The following MAD1L1 variants were observed in gnomAD, a reference collection of about 807,000 sequenced individuals.
MAD1L1 encodes mitotic arrest deficient 1 like 1.
A neutral mutation model predicts 96.9 loss-of-function variants in MAD1L1; 95 were observed. The ratio of observed to expected loss-of-function variants is 0.98; its 90% CI spans 0.83 to 1.16. The LOEUF (loss-of-function observed/expected upper bound fraction) is 1.16, where lower values mean the gene tolerates loss of function less well. Among genes scored for constraint, MAD1L1 ranks in the 50% most tolerant of loss-of-function variants. MAD1L1 has a pLI of 0.00. For synonymous variants in MAD1L1, 473 were observed against 396.6 expected, an observed-to-expected ratio of 1.19 and a Z score of -2.29; for missense variants, 1,007 against 954.4, an observed-to-expected ratio of 1.06 and a Z score of -0.73.
At chr7:2,121,542 C>T (rs886096438) in intron 11 of MAD1L1, among the ~76,000 whole-genome samples, 2 of 152,236 alleles carry the variant, frequency 1.3e-5, no homozygotes, top group Non-Finnish European at 2.9e-5. Flanking sequence ...TCATTAGAAA[C>T]CACAGACCTC....
At chr7:2,056,026 C>T (rs1042840005) in intron 12 of MAD1L1, among the ~76,000 whole-genome samples, 1 of 152,232 alleles carries the variant, frequency 6.6e-6, no homozygotes, top group Admixed American at 6.5e-5. Flanking sequence ...AGCATCAAGG[C>T]TGGCCGCATG....
intron 11 of MAD1L1, among the ~76,000 whole-genome samples, chr7:2,081,175 A>T (rs958023451): frequency 4.0e-5 from 6 of 151,002 alleles, no homozygotes; most frequent in African/African-American, 1.5e-4. Context: ...TTGGAAACAG[A>T]TATGGACAGA....
chr7:2,148,043 G>A (rs1260986987), intron 11 of MAD1L1, among the ~76,000 whole-genome samples: 2 of 152,198 alleles, frequency 1.3e-5, no homozygotes, highest in Non-Finnish European at 2.9e-5. Flanking sequence ...TTTAATGCCT[G>A]TTTCATCTGA....
intron 11 of MAD1L1, among the ~76,000 whole-genome samples, chr7:2,106,619 C>A (rs3778971): frequency 0.19 from 29,071 of 152,254 alleles, 3,065 homozygotes; most frequent in Middle Eastern, 0.34. Flanking sequence ...CCTCTCCAGC[C>A]CACCAGACCC....
chr7:2,173,923 C>T (rs1790829362), intron 10 of MAD1L1, among the ~76,000 whole-genome samples: 1 of 152,176 alleles, frequency 6.6e-6, no homozygotes, highest in Admixed American at 6.5e-5. Context: ...CTCAGCCCTC[C>T]GTACCCTGAG....
intron 17 of MAD1L1, among the ~76,000 whole-genome samples, chr7:1,905,742 C>G (rs1000873884): frequency 6.6e-6 from 1 of 152,142 alleles, no homozygotes; most frequent in Non-Finnish European, 1.5e-5. Flanking sequence ...CATCTGTGTC[C>G]TGGGATGATT....
chr7:1,912,944 G>A (rs1788115146), intron 17 of MAD1L1, among the ~76,000 whole-genome samples: 1 of 151,812 alleles, frequency 6.6e-6, no homozygotes, highest in Non-Finnish European at 1.5e-5. Context: ...TGCATGCCGC[G>A]TTCATGATTA....
chr7:2,140,729 G>A (rs2128574278), intron 11 of MAD1L1, among the ~76,000 whole-genome samples: 1 of 152,370 alleles, frequency 6.6e-6, no homozygotes, highest in African/African-American at 2.4e-5. Context: ...CCTTCCCCCA[G>A]TCCCTGCATG....
chr7:2,181,812 CTA>C (rs35246222), intron 10 of MAD1L1, among the ~76,000 whole-genome samples: 38 of 149,192 alleles, frequency 2.5e-4, no homozygotes, highest in South Asian at 6.4e-4. Flanking sequence ...AATGTGGTCT[CTA>C]TATATATATA....
At chr7:2,097,053 T>A (rs1786530143) in intron 11 of MAD1L1, among the ~76,000 whole-genome samples, 2 of 151,902 alleles carry the variant, frequency 1.3e-5, no homozygotes, top group African/African-American at 4.8e-5. Context: ...ACCACGGGTA[T>A]CCCCCACACC....
chr7:2,203,027 C>T (rs1792396253), intron 10 of MAD1L1, among the ~76,000 whole-genome samples: 1 of 152,194 alleles, frequency 6.6e-6, no homozygotes, highest in Admixed American at 6.5e-5. Flanking sequence ...GCAATGCCCG[C>T]CTCCCACCTC....
chr7:2,210,813 C>A (rs1368857524), intron 10 of MAD1L1, among the ~76,000 whole-genome samples: 2 of 152,236 alleles, frequency 1.3e-5, no homozygotes, highest in South Asian at 2.1e-4. Flanking sequence ...ACCCCCACAG[C>A]GAGGACGGCT....
Position 1,951,061 on chromosome 7 carries a change from G to C in MAD1L1, c.1596+6568C>G, listed in dbSNP as rs142134735. Among the ~76,000 whole-genome samples, 262 of 152,374 alleles carry C rather than the reference G, an allele frequency of 1.7e-3. 2 individuals carry two copies. The highest frequency in any genetic ancestry group is 6.0e-3 in the African/African-American group (251 of 41,590). ...GGTCCTCCTCCTCCTTCCCAGACAC[G>C]TGGGCTTCACCCGGGAGGCTGCTCC... On this transcript the variant is annotated intron_variant, in intron 16 of 18. Coordinates refer to ENST00000265854, the MANE Select transcript of MAD1L1 (RefSeq NM_001013836.2).
At chr7:1,900,129 C>T (rs12669937) in intron 17 of MAD1L1, among the ~76,000 whole-genome samples, 45,256 of 152,102 alleles carry the variant, frequency 0.3, 8,002 homozygotes, top group East Asian at 0.45. Flanking sequence ...CAGCCCGTTC[C>T]GAGTGCAAGC....
intron 18 of MAD1L1, among the ~76,000 whole-genome samples, chr7:1,852,197 C>T (rs1350687251): frequency 1.3e-5 from 2 of 152,184 alleles, no homozygotes; most frequent in South Asian, 2.1e-4. Context: ...TGGACGTGAC[C>T]CAGCACTGGG....
intron 10 of MAD1L1, among the ~76,000 whole-genome samples, chr7:2,187,619 G>A (rs1458102199): frequency 1.3e-5 from 2 of 152,086 alleles, no homozygotes; most frequent in Non-Finnish European, 2.9e-5. Flanking sequence ...CAGGAGTACT[G>A]GGCCCAGTTA....
intron 16 of MAD1L1, among the ~76,000 whole-genome samples, 181 bp from the exon 17 acceptor site, chr7:1,937,078 C>T (rs1037903552): frequency 3.3e-5 from 5 of 152,238 alleles, no homozygotes; most frequent in Admixed American, 6.5e-5. Context: ...AGGAGTGGCT[C>T]CTTCCCTGTG....
Position 2,132,284 on chromosome 7 carries a change from C to T in MAD1L1, c.1073+16868G>A, listed in dbSNP as rs377120281. On this transcript the variant is annotated intron_variant, in intron 11 of 18. Transcript: ENST00000265854. Reference sequence around the variant, plus strand: ...CACGACTGCAGTCCATTCATTACAACTGATGAACCCAAGTCCACAGTGGAC... The same window carrying T: ...CACGACTGCAGTCCATTCATTACAATTGATGAACCCAAGTCCACAGTGGAC... Among the ~76,000 whole-genome samples, 9 of 152,378 alleles carry T rather than the reference C, an allele frequency of 5.9e-5. No homozygotes were observed. In the South Asian group the frequency reaches 1.9e-3, roughly 32 times the overall value.
chr7:1,878,336 C>T (rs557920710), intron 18 of MAD1L1, among the ~76,000 whole-genome samples: 2 of 152,114 alleles, frequency 1.3e-5, no homozygotes, highest in South Asian at 4.2e-4. Context: ...CATCCTGATA[C>T]CAAGGCAAAC....
Sources: gnomAD v4.1 joint callset for allele counts (sites outside exome capture counted in the v4.1 genomes callset) on GRCh38, gnomAD v4.1.1 for gene constraint, MANE v1.5 for transcripts, NCBI Gene and HGNC (gene_info 2026-07-23, HGNC 2026-07-21) for gene names.